Variants in FHDC1 observed in about 807,000 individuals in gnomAD.
The protein encoded by FHDC1 is FH2 domain containing 1.
In FHDC1, 25 loss-of-function variants were observed where a neutral mutation model predicts 52.6. That is an observed-to-expected ratio of 0.48 (90% CI 0.35 to 0.66). The LOEUF (loss-of-function observed/expected upper bound fraction) is 0.66. Ranked by LOEUF, FHDC1 falls within the 30% of genes least tolerant of loss-of-function variation. The pLI is 0.01. For missense variants in FHDC1, 1,459 were observed against 1,452.8 expected (o/e 1.00, Z -0.07); for synonymous variants, 616 against 581.5 (o/e 1.06, Z -0.85).
At chr4:152,962,710 C>T (rs538698140) in intron 6 of FHDC1, 104 bp from the exon 7 acceptor site, 2 of 874,158 alleles carry the variant, frequency 2.3e-6, no homozygotes, top group East Asian at 2.5e-5. Context: ...AGTTTAAGGT[C>T]ACAGTTTGCT....
In FHDC1 at chr4:152,974,986, C is replaced by A. The variant is rs1740799099; in HGVS notation, c.1695C>A (p.Pro565=). 6.2e-6 allele frequency: 10 copies of A among 1,612,406 alleles called. No homozygotes were observed. Among genetic ancestry groups the A allele is most frequent in the Non-Finnish European group, 8.5e-6 (10 of 1,179,840 alleles). ...GCTCCACCGGCAGCCCTGAGGAGCC[C>A]AATAAGTTCCACAGCCTGCCCCGGA... The part of the protein sequence containing the change: ...LESSTGSPEE[P]NKFHSLPRSS... Residue 565 remains proline, a synonymous_variant, in exon 12 of 12, where the codon CCC becomes CCA. Coordinates refer to ENST00000511601, the MANE Select transcript of FHDC1 (RefSeq NM_001371116.1).
rs768983241 is a variant in FHDC1 at position 152,974,885 on chromosome 4, C to T, written c.1594C>T (p.Arg532Trp). ...RPISPSSPSY[R>W]PPNTRRSRLS... ...CATCAGCCCCTCCAGCCCCTCCTAC[C>T]GGCCCCCGAACACCCGCCGCTCCCG... Residue 532 changes from arginine to tryptophan, a missense_variant, in exon 12 of 12, where the codon CGG becomes TGG. Transcript: ENST00000511601. 2.7e-5 allele frequency: 43 copies of T among 1,606,866 alleles called. No homozygotes were observed. Among genetic ancestry groups the T allele is most frequent in the East Asian group, 9.0e-5 (4 of 44,668 alleles).
At chr4:152,922,941 C>G in the FHDC1 span, among the ~76,000 whole-genome samples, 18 of 152,060 alleles carry the variant, frequency 1.2e-4, no homozygotes, top group Non-Finnish European at 2.4e-4. Context: ...CCTTTGAAAA[C>G]TGGCACAAGA....
At chr4:152,911,928 T>G in the FHDC1 span, 1 of 152,542 alleles carries the variant, frequency 6.6e-6, no homozygotes, top group Admixed American at 6.6e-5. Context: ...TCTCTGGACC[T>G]TCATAGTTTA....
At chr4:152,925,853 AAGG>A in the FHDC1 span, among the ~76,000 whole-genome samples, 1 of 141,102 alleles carries the variant, frequency 7.1e-6, no homozygotes, top group African/African-American at 2.5e-5. Flanking sequence ...GAAGGAGAAG[AAGG>A]AGAGGAGAAG....
rs1740936878 is a variant in FHDC1, at chr4:152,977,554, C to T, written c.*831C>T. On this transcript the variant is annotated 3_prime_UTR_variant, in exon 12 of 12. Transcript: ENST00000511601. ...ACCTCCCAGACCCAAGTGATCCTCC[C>T]ACCTCAGCCTCCCTCAGAGCTGGGA... The T allele has an allele frequency of 6.6e-6, 1 of 152,280 alleles. No individual in the cohort carries two copies. 9.4% of individuals were successfully genotyped at this position (152,280 alleles called of 1,614,324 possible).
chr4:152,944,159 G>A (rs762851513), intron 2 of FHDC1, among the ~76,000 whole-genome samples: 1 of 152,148 alleles, frequency 6.6e-6, no homozygotes, highest in Non-Finnish European at 1.5e-5. Context: ...TAGGAAGGAT[G>A]TTTCTAGTTA....
upstream of FHDC1, among the ~76,000 whole-genome samples, chr4:152,936,044 T>G (rs1739360103): frequency 6.7e-6 from 1 of 149,586 alleles, no homozygotes; most frequent in South Asian, 2.1e-4. Context: ...CCTACTTCTC[T>G]CGGTGGCCCC....
chr4:152,934,683 G>A (rs1209078574), upstream of FHDC1, among the ~76,000 whole-genome samples: 1 of 152,226 alleles, frequency 6.6e-6, no homozygotes. Context: ...CTCAAAGGAA[G>A]AGAAGGGTCA....
chr4:152,961,827 G>A (rs1300997829), intron 6 of FHDC1, among the ~76,000 whole-genome samples: 1 of 152,174 alleles, frequency 6.6e-6, no homozygotes, highest in Non-Finnish European at 1.5e-5. Context: ...CAACATAGAG[G>A]CCTTTAAACT....
In FHDC1 at chr4:152,976,989, A is replaced by C; in HGVS notation, c.*266A>C. On this transcript the variant is annotated 3_prime_UTR_variant, in exon 12 of 12. Coordinates refer to ENST00000511601, the MANE Select transcript of FHDC1 (RefSeq NM_001371116.1). ...CCCCCATGCACCCCACCCTCCCCCA[A>C]AGCCCGGATCCCGAGAAAGATTTAG... The C allele has an allele frequency of 6.1e-5, 19 of 311,406 alleles. No homozygotes were observed. The highest frequency in any genetic ancestry group is 1.5e-4 in the South Asian group (1 of 6,632). 19.3% of individuals were successfully genotyped at this position (311,406 alleles called of 1,614,324 possible). A position where few individuals can be genotyped will look rare whatever the true frequency, so the allele number is the denominator to read the frequency against.
intron 1 of FHDC1, among the ~76,000 whole-genome samples, chr4:152,939,553 G>A (rs1739518561): frequency 6.6e-6 from 1 of 152,144 alleles, no homozygotes; most frequent in Admixed American, 6.5e-5. Context: ...AACGTTCTAA[G>A]ATTTTTTGTC....
chr4:152,974,541 TTCTC>T lies in FHDC1; in HGVS notation c.1384-133_1384-130del, dbSNP rs370577136. ...ATGCATGTGCACACACACAGCCTCT[TTCTC>T]AGTGTAAGACATGACCCTGAGCTCC... On this transcript the variant is annotated intron_variant, in intron 11 of 11. Transcript: ENST00000511601. The T allele has an allele frequency of 7.5e-6, 10 of 1,325,698 alleles. No homozygotes were observed. The African/African-American group carries it at 1.0e-4, about 14-fold the overall frequency. The allele number at this position is 1,325,698 out of a possible 1,614,324, so 82.1% of individuals were successfully genotyped here. A position where few individuals can be genotyped will look rare whatever the true frequency, so the allele number is the denominator to read the frequency against.
intron 4 of FHDC1, among the ~76,000 whole-genome samples, chr4:152,959,995 C>T (rs1050131011): frequency 2.0e-5 from 3 of 152,148 alleles, no homozygotes; most frequent in East Asian, 1.9e-4. Flanking sequence ...AGAGCAGATG[C>T]GTACTCACCT....
the FHDC1 span, among the ~76,000 whole-genome samples, chr4:152,918,146 CTATT>C: frequency 2.0e-5 from 3 of 152,186 alleles, no homozygotes; most frequent in Non-Finnish European, 2.9e-5. Context: ...TTTGGAGTCA[CTATT>C]TATGCTTATG....
intron 11 of FHDC1, among the ~76,000 whole-genome samples, chr4:152,973,607 C>T (rs1740743979): frequency 6.6e-6 from 1 of 152,200 alleles, no homozygotes; most frequent in South Asian, 2.1e-4. Context: ...CCACCACAGG[C>T]AATCTTTAAA....
intron 2 of FHDC1, among the ~76,000 whole-genome samples, chr4:152,952,852 C>T (rs1286626677): frequency 6.6e-6 from 1 of 152,206 alleles, no homozygotes; most frequent in Non-Finnish European, 1.5e-5. Flanking sequence ...GAAAATGTGG[C>T]TGGGCACAGT....
At position 152,968,033 on chromosome 4, in the gene FHDC1, A is replaced by C. The variant is rs1479081725; in HGVS notation, c.1154A>C (p.Lys385Thr). The change falls in exon 10 of 12, where the codon AAA (lysine) becomes ACA (threonine). Residue 385 changes from lysine (K) to threonine (T), a missense_variant. Coordinates refer to ENST00000511601, the MANE Select transcript of FHDC1 (RefSeq NM_001371116.1). The part of the protein sequence containing the change: ...AELHLLFVRT[K>T]SLKENIQRDG... Reference sequence around the variant, plus strand: ...CTGCACTTGCTGTTTGTCAGGACAAAATCACTAAAAGAAAACATCCAGCGG... The same window carrying C: ...CTGCACTTGCTGTTTGTCAGGACAACATCACTAAAAGAAAACATCCAGCGG... 9.9e-6 allele frequency: 16 copies of C among 1,613,872 alleles called. No individual in the cohort carries two copies. The highest frequency in any genetic ancestry group is 1.4e-5 in the Non-Finnish European group (16 of 1,179,952).
At position 152,945,367 on chromosome 4, in the gene FHDC1, T is replaced by A. The variant is rs72968501; in HGVS notation, c.498+1812T>A. On this transcript the variant is annotated intron_variant, in intron 2 of 11. Coordinates refer to ENST00000511601, the MANE Select transcript of FHDC1 (RefSeq NM_001371116.1). ...TTTTTACACTTTTGTCATTAACTTATTTTTTAAGAATTATGTTTTTAAATG... is the reference window on the plus strand; with the variant it reads ...TTTTTACACTTTTGTCATTAACTTAATTTTTAAGAATTATGTTTTTAAATG... 3.8e-3 allele frequency among the ~76,000 whole-genome samples: 575 copies of A among 152,370 alleles called. 4 individuals are homozygous for A. Among genetic ancestry groups the A allele is most frequent in the African/African-American group, 0.013 (557 of 41,594 alleles).
Sources: gnomAD v4.1 joint callset for allele counts (sites outside exome capture counted in the v4.1 genomes callset) on GRCh38, gnomAD v4.1.1 for gene constraint, MANE v1.5 for transcripts, NCBI Gene and HGNC (gene_info 2026-07-23, HGNC 2026-07-21) for gene names.